Variants in HTR1F observed in about 807,000 individuals in gnomAD.
The protein encoded by HTR1F is 5-hydroxytryptamine (serotonin) receptor 1F, G protein-coupled.
HTR1F carries 17 observed loss-of-function variants against 24.0 expected under a neutral mutation model. The ratio of observed to expected loss-of-function variants is 0.71; its 90% confidence interval spans 0.48 to 1.06. HTR1F has a LOEUF of 1.06. Among genes scored for constraint, HTR1F ranks in the 50% least tolerant of loss-of-function variants. The pLI is 0.00. For missense variants in HTR1F, 391 were observed against 427.8 expected (o/e 0.91, Z 0.76); for synonymous variants, 186 against 156.8 (o/e 1.19, Z -1.39).
chr3:87,869,410 TAGATA>T (rs1469859609), intron 2 of HTR1F, among the ~76,000 whole-genome samples: 2 of 141,378 alleles, frequency 1.4e-5, no homozygotes, highest in Non-Finnish European at 3.0e-5. Context: ...GATAGATAGA[TAGATA>T]GATAGATAGA....
At chr3:87,823,370 A>G (rs1292775500) in intron 2 of HTR1F, among the ~76,000 whole-genome samples, 9 of 152,204 alleles carry the variant, frequency 5.9e-5, no homozygotes, top group African/African-American at 2.2e-4. Flanking sequence ...TTACTGATTC[A>G]AGATGCTCTT....
chr3:87,932,475 G>T (rs1372050181), intron 2 of HTR1F, among the ~76,000 whole-genome samples: 1 of 152,128 alleles, frequency 6.6e-6, no homozygotes, highest in East Asian at 1.9e-4. Context: ...AAGACGGGTA[G>T]TGTGATGCCT....
intron 2 of HTR1F, among the ~76,000 whole-genome samples, chr3:87,949,467 A>G (rs1559645629): frequency 6.6e-6 from 1 of 152,238 alleles, no homozygotes; most frequent in Non-Finnish European, 1.5e-5. Context: ...ATTTCCTTCA[A>G]GTCTGATGTA....
chr3:87,986,821 C>A lies in HTR1F; in HGVS notation c.-42-3887C>A, dbSNP rs553744694. 2.0e-5 allele frequency among the ~76,000 whole-genome samples: 3 copies of A among 152,226 alleles called. No individual in the cohort carries two copies. In the South Asian group the frequency reaches 6.2e-4, roughly 32 times the overall value. On this transcript the variant is annotated intron_variant, in intron 2 of 2. Coordinates refer to ENST00000319595, the MANE Select transcript of HTR1F (RefSeq NM_001322209.2). ...CCATAACACTAAATAAACACCATTG[C>A]AGGCCGGGCATGGTGGCTCACACCT...
At chr3:87,850,118 A>G (rs1294891501) in intron 2 of HTR1F, among the ~76,000 whole-genome samples, 1 of 152,008 alleles carries the variant, frequency 6.6e-6, no homozygotes, top group African/African-American at 2.4e-5. Flanking sequence ...GTATATACCC[A>G]AAGGATTATA....
Position 87,991,111 on chromosome 3 carries a change from G to A in HTR1F, c.362G>A (p.Arg121Gln), listed in dbSNP as rs749605082. The change falls in exon 3 of 3, where the codon CGG (arginine) becomes CAG (glutamine). Residue 121 changes from arginine to glutamine, a missense_variant. By Grantham distance (43) the Arg-to-Gln change is conservative. Coordinates refer to ENST00000319595, the MANE Select transcript of HTR1F (RefSeq NM_001322209.2). ...ILHLSAIALDRYRAITDAVEY... is the reference protein window; with the variant it reads ...ILHLSAIALDQYRAITDAVEY... ...CATCTCTCAGCTATAGCTTTGGATCGGTATCGAGCAATCACAGATGCTGTT... is the reference window on the plus strand; with the variant it reads ...CATCTCTCAGCTATAGCTTTGGATCAGTATCGAGCAATCACAGATGCTGTT... 6.8e-6 allele frequency: 11 copies of A among 1,613,778 alleles called. No homozygotes were observed. The highest frequency in any genetic ancestry group is 8.5e-6 in the Non-Finnish European group (10 of 1,180,026).
intron 2 of HTR1F, among the ~76,000 whole-genome samples, chr3:87,862,241 AC>A (rs1346824452): frequency 6.6e-6 from 1 of 152,194 alleles, no homozygotes; most frequent in African/African-American, 2.4e-5. Flanking sequence ...CTCTTTAAGA[AC>A]ATTTTCAATG....
chr3:87,832,684 C>T (rs1476967216), intron 2 of HTR1F, among the ~76,000 whole-genome samples: 1 of 152,176 alleles, frequency 6.6e-6, no homozygotes, highest in Admixed American at 6.5e-5. Context: ...CAAATGAATT[C>T]GTGAATACAG....
At chr3:87,946,228 T>C (rs1576074437) in intron 2 of HTR1F, among the ~76,000 whole-genome samples, 1 of 152,094 alleles carries the variant, frequency 6.6e-6, no homozygotes, top group Admixed American at 6.5e-5. Context: ...TCAGCGGCGG[T>C]ATGCGACGGC....
chr3:87,948,108 T>A (rs1288880937), intron 2 of HTR1F, among the ~76,000 whole-genome samples: 1 of 152,186 alleles, frequency 6.6e-6, no homozygotes, highest in Non-Finnish European at 1.5e-5. Flanking sequence ...GCTTATCCTA[T>A]CATCATAGAA....
intron 2 of HTR1F, among the ~76,000 whole-genome samples, chr3:87,916,027 G>A (rs748766046): frequency 1.3e-5 from 2 of 152,128 alleles, no homozygotes; most frequent in Admixed American, 6.6e-5. Context: ...ATCCTTATAA[G>A]CTAGAAGGAA....
intron 2 of HTR1F, among the ~76,000 whole-genome samples, chr3:87,827,950 T>A (rs1453179658): frequency 1.3e-5 from 2 of 152,104 alleles, no homozygotes; most frequent in African/African-American, 4.8e-5. Context: ...CTGCACAAGA[T>A]CTTCATCACT....
chr3:87,939,626 T>A (rs1221202207), intron 2 of HTR1F, among the ~76,000 whole-genome samples: 1 of 152,240 alleles, frequency 6.6e-6, no homozygotes, highest in African/African-American at 2.4e-5. Flanking sequence ...CAGGAATTTA[T>A]CTATTTCTTC....
chr3:87,969,966 C>G (rs186191514), intron 2 of HTR1F, among the ~76,000 whole-genome samples: 7 of 152,354 alleles, frequency 4.6e-5, no homozygotes, highest in African/African-American at 1.7e-4. Context: ...CATGCTTTCT[C>G]TCTTGCCTGC....
intron 2 of HTR1F, among the ~76,000 whole-genome samples, chr3:87,971,556 C>A (rs1387307333): frequency 2.0e-5 from 3 of 151,934 alleles, no homozygotes; most frequent in Non-Finnish European, 4.4e-5. Context: ...GAGACCCTAT[C>A]TCAAAAATAA....
chr3:87,799,143 C>T (rs1703954692), intron 1 of HTR1F, among the ~76,000 whole-genome samples: 1 of 152,166 alleles, frequency 6.6e-6, no homozygotes, highest in Non-Finnish European at 1.5e-5. Context: ...AGTTGGGAAT[C>T]TTTCCCAGGC....
chr3:87,944,540 T>C (rs1434885594), intron 2 of HTR1F, among the ~76,000 whole-genome samples: 1 of 152,244 alleles, frequency 6.6e-6, no homozygotes, highest in Non-Finnish European at 1.5e-5. Context: ...TCCTCCTAGG[T>C]CTGGTCGGAC....
At chr3:87,887,123 C>A (rs569563827) in intron 2 of HTR1F, among the ~76,000 whole-genome samples, 12 of 152,158 alleles carry the variant, frequency 7.9e-5, no homozygotes, top group Non-Finnish European at 1.3e-4. Flanking sequence ...GATACCAAAA[C>A]AAACATACAG....
In HTR1F at chr3:87,992,436, G is replaced by C. The variant is rs1373805320; in HGVS notation, c.*586G>C. On this transcript the variant is annotated 3_prime_UTR_variant, in exon 3 of 3. Transcript: ENST00000319595. ...ATTGTCCTTGTGTTTAGGTAGCAAA[G>C]AGTAATCATAAAGTGGGTTAGGTAC... 6.0e-6 allele frequency: 1 copy of C among 167,004 alleles called. No homozygotes were observed. Among genetic ancestry groups the C allele is most frequent in the Non-Finnish European group, 1.5e-5 (1 of 68,082 alleles). 10.3% of individuals were successfully genotyped at this position (167,004 alleles called of 1,614,324 possible). A position where few individuals can be genotyped will look rare whatever the true frequency, so the allele number is the denominator to read the frequency against.
Sources: gnomAD v4.1 joint callset for allele counts (sites outside exome capture counted in the v4.1 genomes callset) on GRCh38, gnomAD v4.1.1 for gene constraint, MANE v1.5 for transcripts, NCBI Gene and HGNC (gene_info 2026-07-23, HGNC 2026-07-21) for gene names.